Variants in SUPT3H observed in about 807,000 individuals in gnomAD.
SUPT3H encodes the protein transcription initiation protein SPT3 homolog.
Under a neutral mutation model 44.3 loss-of-function variants are expected in SUPT3H, and 44 were observed. The observed-to-expected ratio is 0.99, with a 90% CI of 0.78 to 1.28. The LOEUF is 1.28. Ranked by LOEUF, SUPT3H falls within the 50% of genes most tolerant of loss-of-function variation. The probability of loss-of-function intolerance (pLI) is 0.00; values close to 1 mark genes in which losing one functional copy is unlikely to be tolerated. For synonymous variants in SUPT3H, 124 were observed against 125.6 expected, an observed-to-expected ratio of 0.99 and a Z score of 0.09; for missense variants, 380 against 387.1, an observed-to-expected ratio of 0.98 and a Z score of 0.15.
intron 2 of SUPT3H, among the ~76,000 whole-genome samples, chr6:45,222,074 T>C (rs138534231): frequency 0.018 from 2,668 of 152,078 alleles, 50 homozygotes; most frequent in South Asian, 0.085. Context: ...TGGACATTCA[T>C]AGGCAAAAAA....
chr6:45,337,333 G>A (rs989505668), intron 2 of SUPT3H, among the ~76,000 whole-genome samples: 104 of 151,372 alleles, frequency 6.9e-4, no homozygotes, highest in African/African-American at 2.3e-3. Context: ...TTTCCTGTAC[G>A]TACCTCTTCC....
At chr6:45,202,323 C>A (rs1038725529) in intron 2 of SUPT3H, among the ~76,000 whole-genome samples, 1 of 150,820 alleles carries the variant, frequency 6.6e-6, no homozygotes, top group Admixed American at 6.6e-5. Context: ...AATTATGAAA[C>A]GGTTTAAAAA....
intron 2 of SUPT3H, among the ~76,000 whole-genome samples, chr6:45,331,699 A>G (rs764408258): frequency 6.6e-6 from 1 of 151,986 alleles, no homozygotes; most frequent in South Asian, 2.1e-4. Context: ...CTGAAAAGAA[A>G]TTGTGGAAAA....
Position 44,889,243 on chromosome 6 carries a change from C to T in SUPT3H, c.912+43410G>A, listed in dbSNP as rs1475480303. ...TCCCCATCAAGCTACCAATGACTTT[C>T]TTCACAGAATTGGAAAACACTACTT... On this transcript the variant is annotated intron_variant, in intron 10 of 10. Coordinates refer to ENST00000371459, the MANE Select transcript of SUPT3H (RefSeq NM_003599.4). Among the ~76,000 whole-genome samples, 3 of 152,158 alleles carry T rather than the reference C, an allele frequency of 2.0e-5. No homozygotes were observed. In the East Asian group the frequency reaches 5.8e-4, roughly 29 times the overall value.
intron 6 of SUPT3H, among the ~76,000 whole-genome samples, chr6:44,983,296 AG>A (rs1471074787): frequency 6.6e-6 from 1 of 152,146 alleles, no homozygotes. Context: ...ATTACAAGAA[AG>A]TCTTTGGTTT....
At chr6:44,956,234 C>T (rs1001316872) in intron 7 of SUPT3H, among the ~76,000 whole-genome samples, 4 of 151,676 alleles carry the variant, frequency 2.6e-5, no homozygotes, top group African/African-American at 9.7e-5. Context: ...CCTGTAATCC[C>T]AGCACTTCGG....
chr6:45,250,257 C>A (rs1018660210), intron 2 of SUPT3H, among the ~76,000 whole-genome samples: 1 of 151,648 alleles, frequency 6.6e-6, no homozygotes, highest in African/African-American at 2.4e-5. Flanking sequence ...AAGAAAACTT[C>A]ATGCAATCAT....
At chr6:44,993,971 G>A (rs1028990341) in intron 6 of SUPT3H, among the ~76,000 whole-genome samples, 1 of 152,060 alleles carries the variant, frequency 6.6e-6, no homozygotes, top group Non-Finnish European at 1.5e-5. Flanking sequence ...AAGAAGTAAT[G>A]TGCCCTATGT....
At chr6:45,007,368 C>T (rs1486285319) in intron 5 of SUPT3H, among the ~76,000 whole-genome samples, 1 of 152,064 alleles carries the variant, frequency 6.6e-6, no homozygotes, top group African/African-American at 2.4e-5. Context: ...CCTACTTTTA[C>T]TTTCTGAAAT....
intron 2 of SUPT3H, among the ~76,000 whole-genome samples, chr6:45,342,047 G>T (rs534563050): frequency 6.7e-6 from 1 of 150,006 alleles, no homozygotes; most frequent in Non-Finnish European, 1.5e-5. Context: ...AAGTTGAAGA[G>T]ATATTACAAA....
chr6:45,376,910 T>TAC (rs948343813), intron 1 of SUPT3H, among the ~76,000 whole-genome samples: 5 of 152,182 alleles, frequency 3.3e-5, no homozygotes, highest in Non-Finnish European at 1.5e-5. Flanking sequence ...TACATATATA[T>TAC]ACACACACAT....
chr6:44,826,867 C>T lies in SUPT3H; in HGVS notation c.*2949G>A, dbSNP rs1767808845. Among the ~76,000 whole-genome samples the T allele has an allele frequency of 6.6e-6, 1 of 152,070 alleles. No homozygotes were observed. Among genetic ancestry groups the T allele is most frequent in the South Asian group, 2.1e-4 (1 of 4,820 alleles). On this transcript the variant is annotated 3_prime_UTR_variant, in exon 11 of 11. Coordinates refer to ENST00000371459, the MANE Select transcript of SUPT3H (RefSeq NM_003599.4). ...TCTCCCCAGATACAGGAATTATATA[C>T]ACCATTTAAAAAATATTTGTGCTTC...
chr6:45,239,826 A>G (rs1406736732), intron 2 of SUPT3H, among the ~76,000 whole-genome samples: 1 of 152,206 alleles, frequency 6.6e-6, no homozygotes, highest in African/African-American at 2.4e-5. Flanking sequence ...TGTAGAACGA[A>G]TGAATCTCTC....
At chr6:45,107,879 G>GT (rs1554250570) in intron 2 of SUPT3H, among the ~76,000 whole-genome samples, 3 of 152,012 alleles carry the variant, frequency 2.0e-5, no homozygotes, top group South Asian at 2.1e-4. Context: ...AGTAATTTAT[G>GT]TTTTTTTAAA....
At chr6:45,036,672 C>T (rs1398947159) in intron 3 of SUPT3H, among the ~76,000 whole-genome samples, 1 of 152,226 alleles carries the variant, frequency 6.6e-6, no homozygotes, top group South Asian at 2.1e-4. Context: ...TTTTCACACA[C>T]AGCCAAACTG....
intron 9 of SUPT3H, among the ~76,000 whole-genome samples, chr6:44,938,369 A>G (rs1467072415): frequency 6.6e-6 from 1 of 152,020 alleles, no homozygotes; most frequent in Non-Finnish European, 1.5e-5. Flanking sequence ...ACTTAGGCAA[A>G]GTTTAGTTGG....
chr6:44,843,904 AACACACACAC>A (rs58737760), intron 10 of SUPT3H, among the ~76,000 whole-genome samples: 1 of 118,548 alleles, frequency 8.4e-6, no homozygotes, highest in Non-Finnish European at 1.7e-5. Flanking sequence ...TGAACAGCCA[AACACACACAC>A]ACACACACAC....
intron 2 of SUPT3H, among the ~76,000 whole-genome samples, chr6:45,280,132 G>T (rs1287478549): frequency 6.6e-6 from 1 of 152,022 alleles, no homozygotes; most frequent in Admixed American, 6.6e-5. Flanking sequence ...TGTCTAACAC[G>T]GGAAGCCAAA....
chr6:44,927,818 T>C (rs1231325380), intron 10 of SUPT3H, among the ~76,000 whole-genome samples: 1 of 152,256 alleles, frequency 6.6e-6, no homozygotes, highest in African/African-American at 2.4e-5. Context: ...TTGAAATTTT[T>C]AGTTTTTTTC....
Sources: gnomAD v4.1 joint callset for allele counts (sites outside exome capture counted in the v4.1 genomes callset) on GRCh38, gnomAD v4.1.1 for gene constraint, MANE v1.5 for transcripts, NCBI Gene and HGNC (gene_info 2026-07-23, HGNC 2026-07-21) for gene names.